DUSP18: variants seen among roughly 807,000 people sequenced by gnomAD.
DUSP18 encodes dual specificity phosphatase 18, also known as dual specificity protein phosphatase 18.
DUSP18 carries 4 observed loss-of-function variants against 6.3 expected under a neutral mutation model. The observed-to-expected ratio is 0.63, with a 90% CI of 0.31 to 1.45. DUSP18 has a LOEUF of 1.45. DUSP18 is among the 40% of genes most tolerant of loss of function. DUSP18 has a pLI of 0.07. For missense variants in DUSP18, 235 were observed against 247.7 expected, an observed-to-expected ratio of 0.95 and a Z score of 0.34; for synonymous variants, 96 against 95.1, an observed-to-expected ratio of 1.01 and a Z score of -0.05.
rs199672327 is a variant in DUSP18, at chr22:30,663,772, G to A, written c.232C>T (p.Arg78Cys). 4.1e-4 allele frequency: 662 copies of A among 1,614,098 alleles called. No individual in the cohort carries two copies. The highest frequency in any genetic ancestry group is 5.4e-4 in the Non-Finnish European group (635 of 1,180,038). The change falls in exon 2 of 2, where the codon CGT becomes TGT. Residue 78 changes from arginine to cysteine, a missense_variant. Transcript: ENST00000334679. ...QVPVADSPNS[R>C]LCDFFDPIAD... ...ATAGGGTCAAAGAAGTCACAGAGAC[G>A]TGAGTTAGGGGAGTCAGCCACAGGT...
chr22:30,658,387 T>A (rs6518710), downstream of DUSP18, among the ~76,000 whole-genome samples: 1,501 of 134,094 alleles, frequency 0.011, 12 homozygotes, highest in South Asian at 0.035. Flanking sequence ...AAAAAAAAAA[T>A]TTTTTTTTTT....
In DUSP18 at chr22:30,663,383, A is replaced by G; in HGVS notation, c.*54T>C. ...ATGTTCAAGTTTGGATCTTGGTGTA[A>G]GATCAACAATAGATCTGTACCTCTG... On this transcript the variant is annotated 3_prime_UTR_variant, in exon 2 of 2. Transcript: ENST00000334679. 1.3e-6 allele frequency: 2 copies of G among 1,512,854 alleles called. No homozygotes were observed. The highest frequency in any genetic ancestry group is 1.8e-6 in the Non-Finnish European group (2 of 1,117,266). The allele number at this position is 1,512,854 out of a possible 1,614,324, so 93.7% of individuals were successfully genotyped here.
At chr22:30,664,152 G>C (rs1272340105) in intron 1 of DUSP18, 72 bp from the exon 2 acceptor site, 6 of 693,840 alleles carry the variant, frequency 8.6e-6, no homozygotes, top group Non-Finnish European at 1.5e-5. Flanking sequence ...CTGGGAAATG[G>C]ATGGATAGGC....
chr22:30,666,527 C>T (rs9621062), intron 1 of DUSP18, among the ~76,000 whole-genome samples: 11,051 of 143,124 alleles, frequency 0.077, 823 homozygotes, highest in African/African-American at 0.2. Context: ...GAGGCTGAGA[C>T]GGGAGAATTG....
At chr22:30,654,579 TG>T in intron 2 of DUSP18, 2 of 459,298 alleles carry the variant, frequency 4.4e-6, no homozygotes, top group South Asian at 1.6e-5. Context: ...AAGATGCGGC[TG>T]GGGACCCGGA....
At position 30,667,852 on chromosome 22, in the gene DUSP18, C is replaced by G. The variant is rs1399545168; in HGVS notation, c.-468G>C. On this transcript the variant is annotated 5_prime_UTR_variant, in exon 1 of 2. Transcript: ENST00000334679. ...GGCTGCAGCCGAGAGACAGTCTCAC[C>G]GCTTCCGTAGCCGCCCGGGCTCTGT... is the stretch of plus-strand genomic sequence containing the variant. The G allele has an allele frequency of 6.6e-6, 1 of 152,524 alleles. No individual in the cohort carries two copies. The highest frequency in any genetic ancestry group is 1.5e-5 in the Non-Finnish European group (1 of 68,190). The allele number at this position is 152,524 out of a possible 1,614,324, so 9.4% of individuals were successfully genotyped here.
intron 2 of DUSP18, among the ~76,000 whole-genome samples, chr22:30,656,219 CT>C (rs1241804674): frequency 6.6e-6 from 1 of 151,986 alleles, no homozygotes; most frequent in Non-Finnish European, 1.5e-5. Context: ...TCAAGTGATC[CT>C]CCTGCCTCAG....
At chr22:30,664,573 A>G (rs2088584139) in intron 1 of DUSP18, among the ~76,000 whole-genome samples, 1 of 152,202 alleles carries the variant, frequency 6.6e-6, no homozygotes, top group African/African-American at 2.4e-5. Flanking sequence ...TGCCCAAATC[A>G]TAAGGTCCTG....
Position 30,663,459 on chromosome 22 carries a change from A to T in DUSP18, c.545T>A (p.Val182Asp), listed in dbSNP as rs200350819. 185 of 1,611,768 alleles carry T rather than the reference A, an allele frequency of 1.1e-4. No homozygotes were observed. In the East Asian group the frequency reaches 3.8e-3, roughly 33 times the overall value. ...GGCTCACAGTGGAATCATCAAACGG[A>T]CTTCCTTCTCATAGATGTCAGGGAT... ...GMIPDIYEKE[V>D]RLMIPL The change falls in exon 2 of 2, where the codon GTC becomes GAC. Residue 182 changes from valine (V) to aspartate (D), a missense_variant. Coordinates refer to ENST00000334679, the MANE Select transcript of DUSP18 (RefSeq NM_152511.5).
In DUSP18 at chr22:30,662,760, T is replaced by C. The variant is rs1287720072; in HGVS notation, c.*677A>G. The C allele has an allele frequency of 2.6e-5, 4 of 151,934 alleles. No individual in the cohort carries two copies. The highest frequency in any genetic ancestry group is 9.7e-5 in the African/African-American group (4 of 41,336). 9.4% of individuals were successfully genotyped at this position (151,934 alleles called of 1,614,324 possible). On this transcript the variant is annotated 3_prime_UTR_variant, in exon 2 of 2. Coordinates refer to ENST00000334679, the MANE Select transcript of DUSP18 (RefSeq NM_152511.5). ...AAGAGGATCACTTGAGCCTGAGAGG[T>C]TGTGGCTACAGTGAGCCATGATCAC... is the stretch of plus-strand genomic sequence containing the variant.
intron 2 of DUSP18, chr22:30,653,928 C>A: frequency 5.9e-6 from 1 of 170,394 alleles, no homozygotes; most frequent in East Asian, 1.3e-4. Flanking sequence ...TGTCAGTTTC[C>A]TTCTCCACGT....
downstream of DUSP18, among the ~76,000 whole-genome samples, chr22:30,657,253 G>A (rs1602093404): frequency 1.3e-5 from 2 of 148,402 alleles, no homozygotes; most frequent in African/African-American, 2.5e-5. Context: ...TGGCCAACAC[G>A]GTGAAACCCT....
rs144847527 is a variant in DUSP18, at chr22:30,663,569, G to A, written c.435C>T (p.Ser145=). 6.2e-6 allele frequency: 10 copies of A among 1,614,222 alleles called. No individual in the cohort carries two copies. The highest frequency in any genetic ancestry group is 5.0e-5 in the Admixed American group (3 of 60,022). ...AGTGGATGAGCTGCTCCCAAAAGCC[G>A]CTGTTGGGTCGGATGATGGGCCGGC... ...KSCRPIIRPN[S]GFWEQLIHYE... Residue 145 remains serine (S), a synonymous_variant, in exon 2 of 2, where the codon AGC becomes AGT. Transcript: ENST00000334679.
chr22:30,663,267 A>C lies in DUSP18; in HGVS notation c.*170T>G, dbSNP rs2088530100. The C allele has an allele frequency of 1.4e-6, 1 of 703,812 alleles. No individual in the cohort carries two copies. The highest frequency in any genetic ancestry group is 2.3e-6 in the Non-Finnish European group (1 of 437,260). The allele number at this position is 703,812 out of a possible 1,614,324, so 43.6% of individuals were successfully genotyped here. ...ATCTCACAATTAGTTTAATCTTAAAAAAAATGGATTATAAAGTTAAAAGCT... is the reference window on the plus strand; with the variant it reads ...ATCTCACAATTAGTTTAATCTTAAACAAAATGGATTATAAAGTTAAAAGCT... On this transcript the variant is annotated 3_prime_UTR_variant, in exon 2 of 2. Coordinates refer to ENST00000334679, the MANE Select transcript of DUSP18 (RefSeq NM_152511.5).
chr22:30,657,261 CCT>C (rs1280581883), downstream of DUSP18, among the ~76,000 whole-genome samples: 1 of 130,648 alleles, frequency 7.7e-6, no homozygotes, highest in Non-Finnish European at 1.6e-5. Context: ...ACGGTGAAAC[CCT>C]GTCTCTACTA....
chr22:30,654,289 A>G (rs917902489), intron 2 of DUSP18: 1 of 452,700 alleles, frequency 2.2e-6, no homozygotes, highest in Admixed American at 2.4e-5. Flanking sequence ...CGGCCATCCC[A>G]TGAGCTGTTT....
chr22:30,664,029 G>A lies in DUSP18; in HGVS notation c.-26C>T. On this transcript the variant is annotated 5_prime_UTR_variant, in exon 2 of 2. Coordinates refer to ENST00000334679, the MANE Select transcript of DUSP18 (RefSeq NM_152511.5). ...CAAGGCGGTGGGTCAGTGGTCAGCAGTCAGCGAAGCACGAAGGCTGCGTCT... is the reference window on the plus strand; with the variant it reads ...CAAGGCGGTGGGTCAGTGGTCAGCAATCAGCGAAGCACGAAGGCTGCGTCT... The A allele has an allele frequency of 6.3e-7, 1 of 1,594,888 alleles. No individual in the cohort carries two copies. The highest frequency in any genetic ancestry group is 8.6e-7 in the Non-Finnish European group (1 of 1,166,940).
In DUSP18 at chr22:30,663,527, A is replaced by G; in HGVS notation, c.477T>C (p.Phe159=). 5.0e-6 allele frequency: 8 copies of G among 1,614,224 alleles called. No homozygotes were observed. The highest frequency in any genetic ancestry group is 6.8e-6 in the Non-Finnish European group (8 of 1,180,036). Residue 159 remains phenylalanine (F), a synonymous_variant, in exon 2 of 2, where the codon TTT becomes TTC. Transcript: ENST00000334679. ...EQLIHYEFQL[F]GKNTVHMVSS... is the part of the protein sequence containing the mutation. ...TGACCATGTGCACAGTGTTCTTGCCAAACAATTGGAACTCATAGTGGATGA... is the reference window on the plus strand; with the variant it reads ...TGACCATGTGCACAGTGTTCTTGCCGAACAATTGGAACTCATAGTGGATGA...
downstream of DUSP18, among the ~76,000 whole-genome samples, chr22:30,658,872 C>T (rs2088399159): frequency 6.6e-6 from 1 of 152,152 alleles, no homozygotes; most frequent in South Asian, 2.1e-4. Flanking sequence ...CGGCTGGGCG[C>T]GGTGGCTCAC....
Sources: gnomAD v4.1 joint callset for allele counts (sites outside exome capture counted in the v4.1 genomes callset) on GRCh38, gnomAD v4.1.1 for gene constraint, MANE v1.5 for transcripts, NCBI Gene and HGNC (gene_info 2026-07-23, HGNC 2026-07-21) for gene names.